ARHGEF11: variants seen among roughly 807,000 people sequenced by gnomAD.
ARHGEF11 encodes Rho guanine nucleotide exchange factor 11, also known as Rho guanine exchange factor (GEF) 11.
Under a neutral mutation model 193.7 loss-of-function variants are expected in ARHGEF11, and 55 were observed. The ratio of observed to expected loss-of-function variants is 0.28; its 90% CI spans 0.23 to 0.36. ARHGEF11 has a LOEUF of 0.36. Ranked by LOEUF, ARHGEF11 falls within the 10% of genes least tolerant of loss-of-function variation. ARHGEF11 has a pLI of 1.00. For missense variants in ARHGEF11, 1,723 were observed against 2,005.6 expected (o/e 0.86, Z 2.69); for synonymous variants, 693 against 768.0 (o/e 0.90, Z 1.62).
Position 156,948,593 on chromosome 1 carries a change from T to C in ARHGEF11, c.1926-95A>G. On this transcript the variant is annotated intron_variant, in intron 22 of 40. Transcript: ENST00000368194. This position sits in a 1 kb window ranked among gnomAD's most constrained non-coding sequence, Gnocchi z 4.2. ...CTTACCTGTGGCTCCATCTCAAAGA[T>C]GCCTCCGTGCCACAGGTTCTCCTCC... is the stretch of plus-strand genomic sequence containing the variant. 1 of 1,607,808 alleles carries C rather than the reference T, an allele frequency of 6.2e-7. No homozygotes were observed. The highest frequency in any genetic ancestry group is 8.5e-7 in the Non-Finnish European group (1 of 1,178,088).
chr1:156,968,727 C>T (rs896483036), intron 10 of ARHGEF11, among the ~76,000 whole-genome samples: 6 of 152,206 alleles, frequency 3.9e-5, no homozygotes, highest in African/African-American at 1.2e-4. Flanking sequence ...TCCATTCATT[C>T]TTACTTTTGT....
chr1:157,038,388 G>C (rs1672329030), intron 1 of ARHGEF11, among the ~76,000 whole-genome samples: 1 of 152,116 alleles, frequency 6.6e-6, no homozygotes, highest in Non-Finnish European at 1.5e-5. Context: ...AAAATGAGGA[G>C]GAAAATCTTA....
chr1:156,959,808 A>G (rs1660518604), intron 15 of ARHGEF11, among the ~76,000 whole-genome samples: 1 of 152,020 alleles, frequency 6.6e-6, no homozygotes, highest in Non-Finnish European at 1.5e-5. Context: ...CCTCTCCTTA[A>G]TTCTTCTACT....
intron 15 of ARHGEF11, among the ~76,000 whole-genome samples, chr1:156,960,084 T>C (rs150074432): frequency 2.2e-4 from 34 of 152,170 alleles, no homozygotes; most frequent in African/African-American, 8.2e-4. Context: ...ATCAAGTCTG[T>C]TTCCTCTTTG....
At chr1:156,962,908 A>AAT in intron 13 of ARHGEF11, among the ~76,000 whole-genome samples, 1 of 146,112 alleles carries the variant, frequency 6.8e-6, no homozygotes, top group East Asian at 2.1e-4. Flanking sequence ...AAAAAAAAAA[A>AAT]CTCTAGGAAG....
intron 40 of ARHGEF11, among the ~76,000 whole-genome samples, chr1:156,936,497 A>AATATAT (rs1553192804): frequency 0.028 from 949 of 33,818 alleles, 44 homozygotes; most frequent in East Asian, 0.11. Context: ...AAAAAAAAAA[A>AATATAT]ATATATATAT....
At chr1:156,941,310 C>T (rs1469757722) in intron 35 of ARHGEF11, 62 bp downstream of exon 35, 20 of 1,560,050 alleles carry the variant, frequency 1.3e-5, no homozygotes, top group Non-Finnish European at 1.8e-5. Context: ...ATACTCACAC[C>T]CAACCTGTGC....
At chr1:156,959,955 T>G (rs1041849888) in intron 15 of ARHGEF11, among the ~76,000 whole-genome samples, 1 of 34,454 alleles carries the variant, frequency 2.9e-5, no homozygotes, top group Admixed American at 4.3e-4. Flanking sequence ...AAAAAAACAA[T>G]AAGAAAAACC....
intron 1 of ARHGEF11, among the ~76,000 whole-genome samples, chr1:156,988,924 G>A (rs1418870394): frequency 6.6e-6 from 1 of 152,182 alleles, no homozygotes; most frequent in Non-Finnish European, 1.5e-5. Flanking sequence ...TGTCAGCTGG[G>A]TTGTGAGTCT....
chr1:157,022,640 G>C (rs1670132969), intron 1 of ARHGEF11, among the ~76,000 whole-genome samples: 1 of 152,126 alleles, frequency 6.6e-6, no homozygotes, highest in South Asian at 2.1e-4. Flanking sequence ...CAAAATCTCT[G>C]TTGATTTTTT....
rs373876365 is a variant in ARHGEF11 at position 157,036,139 on chromosome 1, G to T, written c.32+8160C>A. On this transcript the variant is annotated intron_variant, in intron 1 of 40. Coordinates refer to ENST00000368194, the MANE Select transcript of ARHGEF11 (RefSeq NM_198236.3). ...AATATATATATGAAAATATATATATGAATATATGAATACATATATGAATAT... is the reference window on the plus strand; with the variant it reads ...AATATATATATGAAAATATATATATTAATATATGAATACATATATGAATAT... Among the ~76,000 whole-genome samples, 55 of 134,432 alleles carry T rather than the reference G, an allele frequency of 4.1e-4. No individual in the cohort carries two copies. In the East Asian group the frequency reaches 8.4e-3, roughly 20 times the overall value. 88.2% of individuals were successfully genotyped at this position (134,432 alleles called of 152,430 possible).
chr1:156,992,101 C>T (rs556865235), intron 1 of ARHGEF11, among the ~76,000 whole-genome samples: 2 of 152,184 alleles, frequency 1.3e-5, no homozygotes, highest in African/African-American at 2.4e-5. Context: ...CAGAAGTGTA[C>T]CTATTCTTTC....
At chr1:156,979,359 C>A in intron 4 of ARHGEF11, 73 bp from the exon 5 acceptor site, 1 of 922,648 alleles carries the variant, frequency 1.1e-6, no homozygotes, top group Non-Finnish European at 1.6e-6. Context: ...TTCAAAATGC[C>A]ACTTTTTTTT....
At chr1:156,996,700 G>A (rs1426900362) in intron 1 of ARHGEF11, among the ~76,000 whole-genome samples, 2 of 149,546 alleles carry the variant, frequency 1.3e-5, no homozygotes, top group African/African-American at 2.5e-5. Context: ...GTGAACCCGG[G>A]GGGCGGAGCT....
chr1:156,944,472 T>G, intron 30 of ARHGEF11, 39 bp from the exon 31 acceptor site: 1 of 1,584,736 alleles, frequency 6.3e-7, no homozygotes, highest in Non-Finnish European at 8.7e-7. Context: ...ATTCATTCAT[T>G]CATTCATTCA....
chr1:156,981,336 C>G (rs1664144798), intron 3 of ARHGEF11, among the ~76,000 whole-genome samples: 1 of 152,128 alleles, frequency 6.6e-6, no homozygotes, highest in Non-Finnish European at 1.5e-5. Context: ...AGCCTCCATA[C>G]TCAGCCCAGT....
At chr1:156,965,748 T>C (rs529157136) in intron 11 of ARHGEF11, among the ~76,000 whole-genome samples, 2 of 152,310 alleles carry the variant, frequency 1.3e-5, no homozygotes, top group Non-Finnish European at 1.5e-5. Context: ...GCACAGTAGC[T>C]CTTGATTAGA....
intron 1 of ARHGEF11, among the ~76,000 whole-genome samples, chr1:157,028,636 T>A (rs1162972751): frequency 6.6e-6 from 1 of 151,888 alleles, no homozygotes; most frequent in African/African-American, 2.4e-5. Flanking sequence ...CCAAGAGAGG[T>A]TAAATGACTT....
chr1:156,984,524 G>T, intron 2 of ARHGEF11, 87 bp from the exon 3 acceptor site: 1 of 879,502 alleles, frequency 1.1e-6, no homozygotes, highest in Non-Finnish European at 1.8e-6. Flanking sequence ...AAGCCCCAGT[G>T]CCTTTCTTCT....
Sources: allele counts gnomAD v4.1 joint callset (sites outside exome capture counted in the v4.1 genomes callset), GRCh38; gene constraint gnomAD v4.1.1; non-coding constraint Gnocchi (gnomAD v3.1); transcripts MANE v1.5; gene names NCBI Gene and HGNC (gene_info 2026-07-23, HGNC 2026-07-21).